Variants in SPECC1 observed in about 807,000 individuals in gnomAD.
SPECC1 encodes the protein sperm antigen with calponin homology and coiled-coil domains 1.
Under a neutral mutation model 104.1 loss-of-function variants are expected in SPECC1, and 62 were observed. That is an observed-to-expected ratio of 0.60 (90% CI 0.49 to 0.74). The LOEUF (loss-of-function observed/expected upper bound fraction) is 0.74. Among genes scored for constraint, SPECC1 ranks in the 30% least tolerant of loss-of-function variants. The pLI, the probability that SPECC1 is intolerant of heterozygous loss-of-function variation, is 0.00. For synonymous variants in SPECC1, 513 were observed against 501.6 expected (o/e 1.02, Z -0.30); for missense variants, 1,306 against 1,310.5 (o/e 1.00, Z 0.05).
chr17:20,242,412 G>A (rs990997102), intron 7 of SPECC1, among the ~76,000 whole-genome samples: 4 of 152,236 alleles, frequency 2.6e-5, no homozygotes, highest in African/African-American at 9.6e-5. Context: ...GCCTTGCTGT[G>A]CTCCATGGAG....
At chr17:20,038,045 A>C (rs2045162965) in intron 1 of SPECC1, among the ~76,000 whole-genome samples, 1 of 152,090 alleles carries the variant, frequency 6.6e-6, no homozygotes, top group South Asian at 2.1e-4. Flanking sequence ...TCAAATTTAT[A>C]ATGTGTAGAG....
At chr17:20,170,878 C>G (rs1406630807) in intron 3 of SPECC1, among the ~76,000 whole-genome samples, 3 of 152,076 alleles carry the variant, frequency 2.0e-5, no homozygotes, top group Non-Finnish European at 2.9e-5. Flanking sequence ...TACCAACCAC[C>G]TCCAAAGCCC....
intron 3 of SPECC1, among the ~76,000 whole-genome samples, chr17:20,149,443 G>A (rs2031775666): frequency 6.6e-6 from 1 of 152,128 alleles, no homozygotes; most frequent in South Asian, 2.1e-4. Context: ...TTTCCTTCCA[G>A]GAGCCTATGT....
chr17:20,122,945 G>T lies in SPECC1; in HGVS notation c.283+12383G>T, dbSNP rs572931968. ...GTGAATAATGCTGCTCTGTACACAG[G>T]TGTACAGATATCTCCTTGAGACACT... On this transcript the variant is annotated intron_variant, in intron 3 of 14. Coordinates refer to ENST00000395527, the MANE Select transcript of SPECC1 (RefSeq NM_001243439.2). Among the ~76,000 whole-genome samples the T allele has an allele frequency of 2.6e-5, 4 of 152,296 alleles. No individual in the cohort carries two copies. In the South Asian group the frequency reaches 8.3e-4, roughly 32 times the overall value.
chr17:20,161,528 A>C (rs979353424), intron 3 of SPECC1, among the ~76,000 whole-genome samples: 2 of 152,196 alleles, frequency 1.3e-5, no homozygotes, highest in South Asian at 4.1e-4. Flanking sequence ...TGTATTATTT[A>C]ATGGAGAACC....
intron 7 of SPECC1, chr17:20,236,811 C>T: frequency 6.2e-7 from 1 of 1,610,452 alleles, no homozygotes; most frequent in Non-Finnish European, 8.5e-7. Context: ...GACTGTATTG[C>T]CTTAGGTAAC....
At chr17:20,076,910 A>G (rs1416330194) in intron 1 of SPECC1, among the ~76,000 whole-genome samples, 5 of 152,212 alleles carry the variant, frequency 3.3e-5, no homozygotes, top group Non-Finnish European at 4.4e-5. Context: ...GAACCTCTTT[A>G]TGGTATTTTG....
At chr17:20,094,714 G>A (rs1597685097) in intron 1 of SPECC1, among the ~76,000 whole-genome samples, 1 of 150,840 alleles carries the variant, frequency 6.6e-6, no homozygotes, top group East Asian at 1.9e-4. Context: ...TTTTCACTCT[G>A]TCACTGTCCC....
At chr17:20,308,726 G>A (rs1374246799) in intron 14 of SPECC1, among the ~76,000 whole-genome samples, 1 of 152,102 alleles carries the variant, frequency 6.6e-6, no homozygotes, top group Non-Finnish European at 1.5e-5. Context: ...TCCCTATTGT[G>A]TATTTACAAG....
chr17:20,146,597 G>T (rs1423919021), intron 3 of SPECC1, among the ~76,000 whole-genome samples: 2 of 152,142 alleles, frequency 1.3e-5, no homozygotes, highest in African/African-American at 4.8e-5. Context: ...CTTATGATAA[G>T]AATATGTTTA....
intron 3 of SPECC1, among the ~76,000 whole-genome samples, chr17:20,171,134 T>C (rs188733552): frequency 1.1e-3 from 164 of 152,362 alleles, no homozygotes; most frequent in Middle Eastern, 6.8e-3. Context: ...TCGTATGTTA[T>C]AGTATGCTGA....
chr17:20,232,457 G>T, intron 7 of SPECC1, 52 bp downstream of exon 7: 1 of 1,542,492 alleles, frequency 6.5e-7, no homozygotes. Flanking sequence ...ACTATGTATG[G>T]GGCTCCCTGG....
chr17:20,193,774 C>T (rs1243894655), intron 3 of SPECC1, among the ~76,000 whole-genome samples: 1 of 152,092 alleles, frequency 6.6e-6, no homozygotes, highest in African/African-American at 2.4e-5. Flanking sequence ...GAAGACTTTC[C>T]ATGAACTGGG....
Position 20,163,580 on chromosome 17 carries a change from A to G in SPECC1, c.284-40753A>G, listed in dbSNP as rs181816527. Among the ~76,000 whole-genome samples the G allele has an allele frequency of 7.3e-3, 988 of 135,970 alleles. 10 individuals are homozygous for G. The highest frequency in any genetic ancestry group is 0.027 in the African/African-American group (932 of 34,076). The allele number at this position is 135,970 out of a possible 152,430, so 89.2% of individuals were successfully genotyped here. ...TCTCTCTCTCTTTTTTTTTTTTTTG[A>G]GACAGTTTCTGTCTCTGTCACACAG... On this transcript the variant is annotated intron_variant, in intron 3 of 14. Transcript: ENST00000395527.
chr17:20,136,078 CTAGAGTTTGGCTTATTTTGTG>C (rs1446040305), intron 3 of SPECC1, among the ~76,000 whole-genome samples: 28 of 152,190 alleles, frequency 1.8e-4, no homozygotes, highest in African/African-American at 6.3e-4. Context: ...AGAAAGGGTC[CTAGAGTTTGGCTTATTTTGTG>C]TACTGGGGAT....
intron 7 of SPECC1, chr17:20,239,285 G>T: frequency 9.9e-7 from 1 of 1,013,842 alleles, no homozygotes; most frequent in Non-Finnish European, 1.2e-6. Flanking sequence ...GGAGACGTGT[G>T]AAGAAAAATA....
intron 7 of SPECC1, chr17:20,239,547 A>G (rs2039097629): frequency 6.3e-6 from 1 of 157,544 alleles, no homozygotes; most frequent in Admixed American, 6.5e-5. Context: ...CTGGAATATT[A>G]AAATATTGTC....
intron 7 of SPECC1, chr17:20,238,558 G>A: frequency 9.6e-7 from 1 of 1,043,024 alleles, no homozygotes; most frequent in Non-Finnish European, 1.2e-6. Context: ...AAGATCTTTT[G>A]GGGTGTCAAA....
intron 3 of SPECC1, among the ~76,000 whole-genome samples, chr17:20,117,212 C>T (rs1382475603): frequency 1.3e-5 from 2 of 151,698 alleles, no homozygotes; most frequent in African/African-American, 2.4e-5. Context: ...AAGCTGGATC[C>T]CTATCTCATT....
Sources: allele counts gnomAD v4.1 joint callset (sites outside exome capture counted in the v4.1 genomes callset), GRCh38; gene constraint gnomAD v4.1.1; transcripts MANE v1.5; gene names NCBI Gene and HGNC (gene_info 2026-07-23, HGNC 2026-07-21).